Variants in STPG2 observed in about 807,000 individuals in gnomAD.
STPG2 encodes the protein sperm-tail PG-rich repeat-containing protein 2.
In STPG2, 56 loss-of-function variants were observed where a neutral mutation model predicts 54.2. The observed-to-expected ratio is 1.03, with a 90% CI of 0.83 to 1.29. The LOEUF is 1.29. Among genes scored for constraint, STPG2 ranks in the 50% most tolerant of loss-of-function variants. The probability of loss-of-function intolerance (pLI) is 0.00; values close to 1 mark genes in which losing one functional copy is unlikely to be tolerated. For missense variants in STPG2, 596 were observed against 544.9 expected (o/e 1.09, Z -0.93); for synonymous variants, 200 against 181.8 (o/e 1.10, Z -0.81).
intron 10 of STPG2, among the ~76,000 whole-genome samples, chr4:97,636,524 A>T (rs1487151503): frequency 6.7e-6 from 1 of 148,828 alleles, no homozygotes; most frequent in Non-Finnish European, 1.5e-5. Flanking sequence ...AGACACAAAA[A>T]ACCCTTCAAA....
rs542223494 is a variant in STPG2 at position 97,476,547 on chromosome 4, T to C, written c.462+236152A>G. On this transcript the variant is annotated intron_variant, in intron 4 of 4. Transcript: ENST00000522676. ...ATTGTTTAGAATCTCTAAAACAGAATTGAATGATAGTGATTCTGGAGGATA... is the reference window on the plus strand; with the variant it reads ...ATTGTTTAGAATCTCTAAAACAGAACTGAATGATAGTGATTCTGGAGGATA... Among the ~76,000 whole-genome samples the C allele has an allele frequency of 4.6e-5, 7 of 152,310 alleles. No individual in the cohort carries two copies. The South Asian group carries it at 1.4e-3, about 32-fold the overall frequency.
intron 4 of STPG2, among the ~76,000 whole-genome samples, chr4:97,541,509 T>C (rs1347681185): frequency 6.6e-6 from 1 of 152,170 alleles, no homozygotes; most frequent in Non-Finnish European, 1.5e-5. Context: ...TGCTCATGGA[T>C]AGGAAGAATC....
At chr4:97,699,908 T>A (rs1277359632) in intron 10 of STPG2, among the ~76,000 whole-genome samples, 1 of 152,172 alleles carries the variant, frequency 6.6e-6, no homozygotes, top group African/African-American at 2.4e-5. Context: ...TTGAGCCTGA[T>A]CACTTATATG....
intron 5 of STPG2, among the ~76,000 whole-genome samples, chr4:98,099,049 G>A (rs971357727): frequency 6.6e-6 from 1 of 151,910 alleles, no homozygotes; most frequent in Non-Finnish European, 1.5e-5. Flanking sequence ...GAACAGTTTA[G>A]AGGTTCCTCA....
chr4:97,536,098 G>A (rs1578369648), intron 4 of STPG2, among the ~76,000 whole-genome samples: 1 of 152,116 alleles, frequency 6.6e-6, no homozygotes, highest in East Asian at 1.9e-4. Context: ...GCCTCAGACT[G>A]CCCAGCAACT....
chr4:97,897,781 G>C (rs1334717779), intron 8 of STPG2, among the ~76,000 whole-genome samples: 1 of 152,098 alleles, frequency 6.6e-6, no homozygotes, highest in Non-Finnish European at 1.5e-5. Context: ...ATTTGTTTAA[G>C]TTCCTTATAG....
At chr4:97,725,410 T>A (rs1724588657) in intron 9 of STPG2, among the ~76,000 whole-genome samples, 1 of 151,024 alleles carries the variant, frequency 6.6e-6, no homozygotes, top group African/African-American at 2.4e-5. Flanking sequence ...ATAGAAAAAC[T>A]GACCCTGAAG....
intron 4 of STPG2, among the ~76,000 whole-genome samples, chr4:97,500,605 A>G (rs1473468273): frequency 1.3e-5 from 2 of 152,098 alleles, no homozygotes; most frequent in African/African-American, 4.8e-5. Context: ...ATAAGTTAAG[A>G]AGATCAGAAG....
At chr4:97,800,779 G>A (rs1026831747) in intron 9 of STPG2, among the ~76,000 whole-genome samples, 1 of 152,178 alleles carries the variant, frequency 6.6e-6, no homozygotes, top group African/African-American at 2.4e-5. Context: ...TACCCCCAGA[G>A]TTGGAGTCTA....
intron 4 of STPG2, among the ~76,000 whole-genome samples, chr4:97,516,077 C>T (rs977114314): frequency 1.3e-5 from 2 of 152,044 alleles, no homozygotes; most frequent in African/African-American, 4.8e-5. Flanking sequence ...CCTAAGTGCA[C>T]ACAGGGAAAT....
chr4:97,571,340 AG>A (rs1165491351), intron 10 of STPG2, among the ~76,000 whole-genome samples: 3 of 152,126 alleles, frequency 2.0e-5, no homozygotes, highest in Non-Finnish European at 4.4e-5. Context: ...CCTGACAGCC[AG>A]GGCTCTTAAA....
At chr4:97,921,352 A>G (rs1451285514) in intron 8 of STPG2, among the ~76,000 whole-genome samples, 1 of 152,156 alleles carries the variant, frequency 6.6e-6, no homozygotes, top group Non-Finnish European at 1.5e-5. Context: ...ACAAGTCAAA[A>G]TAATTGTCTT....
At chr4:97,942,308 A>C (rs977571072) in intron 8 of STPG2, among the ~76,000 whole-genome samples, 6 of 152,034 alleles carry the variant, frequency 3.9e-5, no homozygotes, top group African/African-American at 1.4e-4. Flanking sequence ...TATATTAGTA[A>C]TAAATTAGTC....
intron 4 of STPG2, among the ~76,000 whole-genome samples, chr4:97,550,693 T>G (rs911720815): frequency 1.3e-5 from 2 of 152,196 alleles, no homozygotes; most frequent in African/African-American, 4.8e-5. Flanking sequence ...TTACAGTTCT[T>G]AAAGATGGTG....
chr4:97,862,952 T>G (rs893627458), intron 8 of STPG2, among the ~76,000 whole-genome samples: 3 of 152,124 alleles, frequency 2.0e-5, no homozygotes, highest in African/African-American at 7.2e-5. Flanking sequence ...AAGCAGTGTG[T>G]AGAGGGAAAT....
intron 4 of STPG2, among the ~76,000 whole-genome samples, chr4:97,537,399 C>A (rs964789833): frequency 6.6e-5 from 10 of 152,200 alleles, no homozygotes; most frequent in Non-Finnish European, 1.5e-4. Flanking sequence ...GGGATTATAT[C>A]CTGTGCAAGG....
intron 7 of STPG2, among the ~76,000 whole-genome samples, chr4:97,956,677 C>A (rs933857454): frequency 1.3e-5 from 2 of 152,140 alleles, no homozygotes; most frequent in Non-Finnish European, 2.9e-5. Context: ...CAGCCCAGAG[C>A]CTAATAGACC....
chr4:97,659,647 C>A (rs1722317071), intron 10 of STPG2, among the ~76,000 whole-genome samples: 1 of 152,188 alleles, frequency 6.6e-6, no homozygotes, highest in South Asian at 2.1e-4. Flanking sequence ...TGCTTTGGCA[C>A]ACTACATAAT....
At chr4:97,576,846 C>T (rs1732736362) in intron 10 of STPG2, among the ~76,000 whole-genome samples, 1 of 152,066 alleles carries the variant, frequency 6.6e-6, no homozygotes, top group African/African-American at 2.4e-5. Context: ...ACAAATGAGG[C>T]ATCTCACAGA....
Sources: allele counts gnomAD v4.1 joint callset (sites outside exome capture counted in the v4.1 genomes callset), GRCh38; gene constraint gnomAD v4.1.1; transcripts MANE v1.5; gene names NCBI Gene and HGNC (gene_info 2026-07-23, HGNC 2026-07-21).